Variants in PLCB4 observed in about 807,000 individuals in gnomAD.
The protein encoded by PLCB4 is phospholipase C beta 4.
Under a neutral mutation model 178.8 loss-of-function variants are expected in PLCB4, and 77 were observed. That is an observed-to-expected ratio of 0.43 (90% CI 0.36 to 0.52). The LOEUF (loss-of-function observed/expected upper bound fraction) is 0.52. Among genes scored for constraint, PLCB4 ranks in the 20% least tolerant of loss-of-function variants. The pLI, the probability that PLCB4 is intolerant of heterozygous loss-of-function variation, is 0.00. For synonymous variants in PLCB4, 496 were observed against 490.8 expected, an observed-to-expected ratio of 1.01 and a Z score of -0.14; for missense variants, 1,024 against 1,453.4, an observed-to-expected ratio of 0.70 and a Z score of 4.80.
At chr20:9,189,837 A>G (rs2093377908) in intron 2 of PLCB4, among the ~76,000 whole-genome samples, 2 of 152,136 alleles carry the variant, frequency 1.3e-5, no homozygotes, top group Non-Finnish European at 2.9e-5. Flanking sequence ...CACTAATCCC[A>G]TTAATGAGGA....
chr20:9,137,992 G>C (rs1161231503), intron 2 of PLCB4, among the ~76,000 whole-genome samples: 1 of 152,214 alleles, frequency 6.6e-6, no homozygotes, highest in Admixed American at 6.5e-5. Context: ...AGTGTTATAA[G>C]TATGTAGAGA....
At chr20:9,298,890 T>C (rs6108279) in intron 3 of PLCB4, among the ~76,000 whole-genome samples, 4,779 of 152,136 alleles carry the variant, frequency 0.031, 130 homozygotes, top group African/African-American at 0.064. Flanking sequence ...CAGGAAATTG[T>C]TTTTAATCAT....
At chr20:9,139,005 G>T (rs1172872017) in intron 2 of PLCB4, among the ~76,000 whole-genome samples, 1 of 152,040 alleles carries the variant, frequency 6.6e-6, no homozygotes, top group Non-Finnish European at 1.5e-5. Flanking sequence ...CATGTTAAAG[G>T]TCATTATATT....
At position 9,204,448 on chromosome 20, in the gene PLCB4, CT is replaced by C. The variant is rs145698788; in HGVS notation, c.-78-12941del. 6.6e-3 allele frequency among the ~76,000 whole-genome samples: 1,008 copies of C among 152,126 alleles called. 16 individuals carry two copies. Among genetic ancestry groups the C allele is most frequent in the African/African-American group, 0.023 (962 of 41,502 alleles). ...ATCTCGGCTCACTGCAAACCTCTGC[CT>C]CCTGGGTTCAAGTGATTCTCCTGTC... is the stretch of plus-strand genomic sequence containing the variant. On this transcript the variant is annotated intron_variant, in intron 2 of 39. Coordinates refer to ENST00000378473, the MANE Select transcript of PLCB4 (RefSeq NM_001377142.1).
intron 3 of PLCB4, among the ~76,000 whole-genome samples, chr20:9,294,480 G>A (rs2094611509): frequency 6.6e-6 from 1 of 152,080 alleles, no homozygotes; most frequent in South Asian, 2.1e-4. Context: ...CTGGCCTTCA[G>A]AGTCTCCATA....
At chr20:9,268,942 C>T (rs372013917) in intron 3 of PLCB4, among the ~76,000 whole-genome samples, 17 of 152,220 alleles carry the variant, frequency 1.1e-4, no homozygotes, top group African/African-American at 3.6e-4. Context: ...ACCTTGTCAT[C>T]ACCTACCTTG....
intron 2 of PLCB4, among the ~76,000 whole-genome samples, chr20:9,174,167 G>T (rs1445791877): frequency 3.3e-5 from 5 of 151,962 alleles, no homozygotes. Flanking sequence ...TGGAGACAGG[G>T]TCTCACTGTT....
intron 7 of PLCB4, among the ~76,000 whole-genome samples, chr20:9,354,732 G>A (rs2034641485): frequency 6.6e-6 from 1 of 152,202 alleles, no homozygotes; most frequent in African/African-American, 2.4e-5. Context: ...TGTGAGCCTA[G>A]GGCACAGGAA....
At chr20:9,302,652 G>C (rs1002942832) in intron 3 of PLCB4, among the ~76,000 whole-genome samples, 1 of 152,002 alleles carries the variant, frequency 6.6e-6, no homozygotes, top group African/African-American at 2.4e-5. Context: ...AAGAGATTAA[G>C]GTCAAAATTA....
chr20:9,326,873 C>A (rs2030686723), intron 4 of PLCB4, among the ~76,000 whole-genome samples: 1 of 152,124 alleles, frequency 6.6e-6, no homozygotes, highest in Non-Finnish European at 1.5e-5. Context: ...GCTTTGTATT[C>A]TAGCTCACTG....
At chr20:9,343,924 C>A (rs116255845) in intron 7 of PLCB4, among the ~76,000 whole-genome samples, 1 of 152,208 alleles carries the variant, frequency 6.6e-6, no homozygotes, top group Non-Finnish European at 1.5e-5. Flanking sequence ...AACGTCATCA[C>A]GACACAGTGG....
At chr20:9,313,794 G>A (rs1162787259) in intron 4 of PLCB4, among the ~76,000 whole-genome samples, 2 of 152,142 alleles carry the variant, frequency 1.3e-5, no homozygotes, top group African/African-American at 4.8e-5. Flanking sequence ...ACCACTGGCT[G>A]GGCTTCTCAG....
rs1033226301 is a variant in PLCB4, at chr20:9,307,989, G to A, written c.84+91G>A. 5 of 559,676 alleles carry A rather than the reference G, an allele frequency of 8.9e-6. No homozygotes were observed. The African/African-American group carries it at 9.5e-5, about 11-fold the overall frequency. The allele number at this position is 559,676 out of a possible 1,614,324, so 34.7% of individuals were successfully genotyped here. A position where few individuals can be genotyped will look rare whatever the true frequency, so the allele number is the denominator to read the frequency against. On this transcript the variant is annotated intron_variant, in intron 4 of 39. Transcript: ENST00000378473. ...ATTGAGTAAATATTCTTTGACATAA[G>A]TAAGAACATCTTTAGGATTTATAGG...
chr20:9,187,111 A>C (rs1600995050), intron 2 of PLCB4, among the ~76,000 whole-genome samples: 1 of 151,610 alleles, frequency 6.6e-6, no homozygotes, highest in Non-Finnish European at 1.5e-5. Context: ...GAGGGATTAC[A>C]GGTGCCTACC....
intron 3 of PLCB4, among the ~76,000 whole-genome samples, chr20:9,234,125 A>C (rs371882244): frequency 9.9e-5 from 15 of 152,180 alleles, no homozygotes; most frequent in Non-Finnish European, 1.2e-4. Context: ...GTGAATAAAA[A>C]AAGGCACTGA....
intron 2 of PLCB4, among the ~76,000 whole-genome samples, chr20:9,164,917 T>TG (rs2147000021): frequency 6.6e-6 from 1 of 152,326 alleles, no homozygotes; most frequent in South Asian, 2.1e-4. Context: ...GGAGGTGCCA[T>TG]GACTCAGTTT....
chr20:9,477,118 A>T (rs550697061), intron 39 of PLCB4, among the ~76,000 whole-genome samples: 45 of 152,254 alleles, frequency 3.0e-4, no homozygotes, highest in African/African-American at 1.1e-3. Flanking sequence ...ACTCCAATTA[A>T]TTTTTAAAGC....
chr20:9,196,043 G>T (rs1314848173), intron 2 of PLCB4, among the ~76,000 whole-genome samples: 3 of 152,150 alleles, frequency 2.0e-5, no homozygotes, highest in Admixed American at 6.5e-5. Flanking sequence ...AAAAGCAGAC[G>T]TTACAGTTTT....
chr20:9,328,260 C>G (rs1030353732), intron 4 of PLCB4, among the ~76,000 whole-genome samples: 1 of 152,130 alleles, frequency 6.6e-6, no homozygotes, highest in Admixed American at 6.5e-5. Flanking sequence ...ATGTAGAAAA[C>G]ACAAGTTGTT....
Sources: allele counts gnomAD v4.1 joint callset (sites outside exome capture counted in the v4.1 genomes callset), GRCh38; gene constraint gnomAD v4.1.1; transcripts MANE v1.5; gene names NCBI Gene and HGNC (gene_info 2026-07-23, HGNC 2026-07-21).